Variants in KIF3B observed in about 807,000 individuals in gnomAD.
KIF3B encodes kinesin family member 3B, also known as kinesin-like protein KIF3B.
KIF3B carries 38 observed loss-of-function variants against 74.3 expected under a neutral mutation model. The observed-to-expected ratio is 0.51, with a 90% CI of 0.39 to 0.67. The LOEUF (loss-of-function observed/expected upper bound fraction) is 0.67. KIF3B is among the 30% of genes least tolerant of loss of function. The probability of loss-of-function intolerance (pLI) is 0.00; values close to 1 mark genes in which losing one functional copy is unlikely to be tolerated. For synonymous variants in KIF3B, 326 were observed against 342.5 expected (o/e 0.95, Z 0.53); for missense variants, 649 against 932.0 (o/e 0.70, Z 3.95).
chr20:32,330,027 A>G, intron 7 of KIF3B, 114 bp from the exon 8 acceptor site: 1 of 849,584 alleles, frequency 1.2e-6, no homozygotes, highest in Non-Finnish European at 1.7e-6. Flanking sequence ...CTTTCTTGAT[A>G]GGCCCTGAAT....
At chr20:32,294,629 A>G (rs2047708209) in intron 1 of KIF3B, among the ~76,000 whole-genome samples, 1 of 152,214 alleles carries the variant, frequency 6.6e-6, no homozygotes, top group Admixed American at 6.5e-5. Flanking sequence ...TCCTCAGAAC[A>G]GTTCTTTAAG....
At chr20:32,278,795 T>C (rs528011747) in intron 1 of KIF3B, among the ~76,000 whole-genome samples, 8 of 152,324 alleles carry the variant, frequency 5.3e-5, no homozygotes, top group African/African-American at 1.7e-4. Flanking sequence ...AGAAGCACTT[T>C]ACCAGGCATA....
rs757747720 is a variant in KIF3B at position 32,310,030 on chromosome 20, C to G, written c.253C>G (p.Leu85Val). The change falls in exon 2 of 9, where the codon CTG becomes GTG. Residue 85 changes from leucine to valine, a missense_variant. This residue lies in a region of KIF3B where 96 missense variants were observed against 119.0 expected (regional missense o/e 0.81). Coordinates refer to ENST00000375712, the MANE Select transcript of KIF3B (RefSeq NM_004798.4). The surrounding 1 kb of genome is among the most constrained non-coding windows in gnomAD (Gnocchi z 6.5). ...GTTCCGACCACTTGTTGACTCTGTCCTGCAAGGTTTCAATGGAACCATTTT... is the reference window on the plus strand; with the variant it reads ...GTTCCGACCACTTGTTGACTCTGTCGTGCAAGGTTTCAATGGAACCATTTT... ...ETFRPLVDSVLQGFNGTIFAY... is the reference protein window; with the variant it reads ...ETFRPLVDSVVQGFNGTIFAY... The G allele has an allele frequency of 6.2e-7, 1 of 1,614,170 alleles. No individual in the cohort carries two copies.
chr20:32,320,569 A>G (rs1235146854), intron 5 of KIF3B, among the ~76,000 whole-genome samples: 3 of 147,260 alleles, frequency 2.0e-5, no homozygotes, highest in Non-Finnish European at 3.0e-5. Flanking sequence ...ATCAGACTGG[A>G]GTGCAGTGGT....
chr20:32,321,762 C>T (rs1276434469), intron 5 of KIF3B, among the ~76,000 whole-genome samples: 1 of 152,086 alleles, frequency 6.6e-6, no homozygotes, highest in Non-Finnish European at 1.5e-5. Context: ...TCTGTTGGCA[C>T]CATTTTTTCA....
At position 32,331,610 on chromosome 20, in the gene KIF3B, C is replaced by T; in HGVS notation, c.*291C>T. 2.5e-6 allele frequency: 1 copy of T among 396,042 alleles called. No individual in the cohort carries two copies. The highest frequency in any genetic ancestry group is 4.5e-6 in the Non-Finnish European group (1 of 222,584). 24.5% of individuals were successfully genotyped at this position (396,042 alleles called of 1,614,324 possible). A position where few individuals can be genotyped will look rare whatever the true frequency, so the allele number is the denominator to read the frequency against. ...AATGACCAGTGACCTTGCTTCCTTC[C>T]CCCTTGCCTTCTTCTCCCCCTTCCC... On this transcript the variant is annotated 3_prime_UTR_variant, in exon 9 of 9. Coordinates refer to ENST00000375712, the MANE Select transcript of KIF3B (RefSeq NM_004798.4).
In KIF3B at chr20:32,309,985, T is replaced by TCAATGCCAAGCA; in HGVS notation, c.208_209insCAATGCCAAGCA (p.Phe70delinsSerMetProSerIle). ...CGTCTATGACTGGAATGCCAAGCAG[T>TCAATGCCAAGCA]TTGAACTGTACGATGAGACGTTCCG... On this transcript the variant is annotated protein_altering_variant, in exon 2 of 9. Transcript: ENST00000375712. The TCAATGCCAAGCA allele has an allele frequency of 6.2e-7, 1 of 1,614,088 alleles. No individual in the cohort carries two copies. Among genetic ancestry groups the TCAATGCCAAGCA allele is most frequent in the Non-Finnish European group, 8.5e-7 (1 of 1,180,008 alleles).
At chr20:32,297,468 CTTTATT>C (rs1331151696) in intron 1 of KIF3B, among the ~76,000 whole-genome samples, 1 of 152,072 alleles carries the variant, frequency 6.6e-6, no homozygotes. Context: ...TTACGTGTGT[CTTTATT>C]TTTATATAAT....
intron 1 of KIF3B, among the ~76,000 whole-genome samples, chr20:32,308,583 G>A (rs1166760699): frequency 1.3e-5 from 2 of 151,674 alleles, no homozygotes; most frequent in Non-Finnish European, 2.9e-5. Context: ...GCCAATTTTT[G>A]TATTTTTTGT....
chr20:32,319,958 G>T (rs2047851003), intron 5 of KIF3B, among the ~76,000 whole-genome samples: 1 of 151,528 alleles, frequency 6.6e-6, no homozygotes, highest in Non-Finnish European at 1.5e-5. Context: ...GCAATGGCAT[G>T]ATCTTAGCTC....
chr20:32,316,108 T>G lies in KIF3B; in HGVS notation c.1405-110T>G. On this transcript the variant is annotated intron_variant, in intron 2 of 8. Transcript: ENST00000375712. Reference sequence around the variant, plus strand: ...ACAGTGTATTTTTTCCCAGAGTTTGTCCCTTTTGGCTCAGTCCTGAGCTCT... The same window carrying G: ...ACAGTGTATTTTTTCCCAGAGTTTGGCCCTTTTGGCTCAGTCCTGAGCTCT... The G allele has an allele frequency of 8.6e-6, 6 of 699,066 alleles. No homozygotes were observed. In the Admixed American group the frequency reaches 1.4e-4, roughly 16 times the overall value. The allele number at this position is 699,066 out of a possible 1,614,324, so 43.3% of individuals were successfully genotyped here. A position where few individuals can be genotyped will look rare whatever the true frequency, so the allele number is the denominator to read the frequency against.
chr20:32,331,337 C>G lies in KIF3B; in HGVS notation c.*18C>G, dbSNP rs1478580437. The G allele has an allele frequency of 1.9e-6, 3 of 1,586,476 alleles. No homozygotes were observed. Among genetic ancestry groups the G allele is most frequent in the Admixed American group, 1.8e-5 (1 of 55,262 alleles). On this transcript the variant is annotated 3_prime_UTR_variant, in exon 9 of 9. Transcript: ENST00000375712. ...CAAAGTAAAGCCAGCTTCTCCTCTCCCAGGGCGGAAACAGCATTTGCCTTC... is the reference window on the plus strand; with the variant it reads ...CAAAGTAAAGCCAGCTTCTCCTCTCGCAGGGCGGAAACAGCATTTGCCTTC...
intron 1 of KIF3B, among the ~76,000 whole-genome samples, chr20:32,278,574 C>A (rs902127351): frequency 5.3e-5 from 8 of 152,206 alleles, no homozygotes; most frequent in African/African-American, 1.7e-4. Flanking sequence ...ACCCCCAACC[C>A]CGGTTTTACT....
chr20:32,331,067 C>G (rs1414219176), intron 8 of KIF3B, among the ~76,000 whole-genome samples, 156 bp from the exon 9 acceptor site: 2 of 152,182 alleles, frequency 1.3e-5, no homozygotes, highest in Non-Finnish European at 2.9e-5. Flanking sequence ...TTCACCATCC[C>G]CAAAGGTTCA....
At chr20:32,306,107 A>C (rs903586010) in intron 1 of KIF3B, among the ~76,000 whole-genome samples, 8 of 146,892 alleles carry the variant, frequency 5.4e-5, no homozygotes, top group Middle Eastern at 3.5e-3. Context: ...AAAAAAAGAA[A>C]GTTATTGCCG....
chr20:32,326,985 C>G (rs1045458616), intron 6 of KIF3B, 101 bp downstream of exon 6: 1 of 650,752 alleles, frequency 1.5e-6, no homozygotes, highest in East Asian at 2.6e-5. Context: ...GATAAGAACA[C>G]AGTTTGGCTT....
Position 32,310,666 on chromosome 20 carries a change from C to G in KIF3B, c.889C>G (p.Leu297Val). The G allele has an allele frequency of 7.4e-6, 12 of 1,614,198 alleles. No homozygotes were observed. The highest frequency in any genetic ancestry group is 9.3e-6 in the Non-Finnish European group (11 of 1,180,022). ...TCACATTCCATATCGGGACTCAAAG[C>G]TTACCAGGCTCCTCCAAGATTCCCT... ...STHIPYRDSK[L>V]TRLLQDSLGG... The change falls in exon 2 of 9, where the codon CTT becomes GTT. Residue 297 changes from leucine (L) to valine (V), a missense_variant. By Grantham distance (32) the Leu-to-Val change is conservative. Transcript: ENST00000375712. This position sits in a 1 kb window ranked among gnomAD's most constrained non-coding sequence, Gnocchi z 6.5.
Position 32,295,553 on chromosome 20 carries a change from G to A in KIF3B, c.-65-14160G>A, listed in dbSNP as rs376840947. 8.9e-4 allele frequency among the ~76,000 whole-genome samples: 135 copies of A among 151,850 alleles called. No homozygotes were observed. The South Asian group carries it at 0.027, about 30-fold the overall frequency. On this transcript the variant is annotated intron_variant, in intron 1 of 8. Transcript: ENST00000375712. ...CGTGATCCACCCGCCTCAGCCTCCCGAAGTGCTGGGATTACAGGTGTGAGC... is the reference window on the plus strand; with the variant it reads ...CGTGATCCACCCGCCTCAGCCTCCCAAAGTGCTGGGATTACAGGTGTGAGC...
intron 5 of KIF3B, among the ~76,000 whole-genome samples, chr20:32,325,653 CTCTTTTTTTTTTTTT>C (rs1278525343): frequency 1.4e-4 from 13 of 90,288 alleles, no homozygotes; most frequent in South Asian, 4.4e-4. Flanking sequence ...CTCTCTCTCT[CTCTTTTTTTTTTTTT>C]TTTTTTTTTT....
Sources: allele counts gnomAD v4.1 joint callset (sites outside exome capture counted in the v4.1 genomes callset), GRCh38; gene constraint gnomAD v4.1.1; regional missense constraint gnomAD v4.1.1; non-coding constraint Gnocchi (gnomAD v3.1); transcripts MANE v1.5; gene names NCBI Gene and HGNC (gene_info 2026-07-23, HGNC 2026-07-21).